The following CMTM4 variants were observed in gnomAD, a reference collection of about 807,000 sequenced individuals.
The protein encoded by CMTM4 is CKLF-like MARVEL transmembrane domain-containing protein 4.
Under a neutral mutation model 19.0 loss-of-function variants are expected in CMTM4, and 8 were observed. The observed-to-expected ratio is 0.42, with a 90% CI of 0.25 to 0.76. CMTM4 has a LOEUF of 0.76. Among genes scored for constraint, CMTM4 ranks in the 30% least tolerant of loss-of-function variants. The pLI, the probability that CMTM4 is intolerant of heterozygous loss-of-function variation, is 0.27. For synonymous variants in CMTM4, 106 were observed against 121.1 expected, an observed-to-expected ratio of 0.88 and a Z score of 0.82; for missense variants, 228 against 290.2, an observed-to-expected ratio of 0.79 and a Z score of 1.56.
chr16:66,659,959 C>A (rs769055625), intron 1 of CMTM4, among the ~76,000 whole-genome samples: 51 of 152,156 alleles, frequency 3.4e-4, no homozygotes, highest in Admixed American at 1.4e-3. Flanking sequence ...ACAAAAAACT[C>A]AAATCTCCAC....
intron 1 of CMTM4, among the ~76,000 whole-genome samples, chr16:66,646,419 A>G (rs1443016640): frequency 6.6e-6 from 1 of 152,164 alleles, no homozygotes; most frequent in Non-Finnish European, 1.5e-5. Flanking sequence ...CACATTGTAT[A>G]TAACTGCATG....
At position 66,631,368 on chromosome 16, in the gene CMTM4, C is replaced by T. The variant is rs1256579718; in HGVS notation, c.363+5037G>A. ...CCGGGAGGTGAGGGGCGCCTCTGCCCGGCCGCCCCTACTGGGAAGTGAGGA... is the reference window on the plus strand; with the variant it reads ...CCGGGAGGTGAGGGGCGCCTCTGCCTGGCCGCCCCTACTGGGAAGTGAGGA... On this transcript the variant is annotated intron_variant, in intron 2 of 3. Coordinates refer to ENST00000394106, the MANE Select transcript of CMTM4 (RefSeq NM_181521.3). 6.9e-3 allele frequency among the ~76,000 whole-genome samples: 1,041 copies of T among 151,844 alleles called. 3 individuals carry two copies. The highest frequency in any genetic ancestry group is 8.8e-3 in the Non-Finnish European group (595 of 67,830).
At chr16:66,609,928 C>CTGA (rs758508816), downstream of CMTM4, 3 of 1,614,168 alleles carry the variant, frequency 1.9e-6, no homozygotes, top group Non-Finnish European at 2.5e-6. This position sits in a 1 kb window ranked among gnomAD's most constrained non-coding sequence, Gnocchi z 4.4. Context: ...TGATTTCTAC[C>CTGA]TGATCTTTAA....
downstream of CMTM4, chr16:66,610,064 A>G: frequency 6.3e-7 from 1 of 1,597,088 alleles, no homozygotes; most frequent in Non-Finnish European, 8.5e-7. This position sits in a 1 kb window ranked among gnomAD's most constrained non-coding sequence, Gnocchi z 4.6. Context: ...TCCCTCGGGG[A>G]TGCCAGCTAG....
At chr16:66,609,420 C>A in the CMTM4 span, 5 of 1,607,212 alleles carry the variant, frequency 3.1e-6, no homozygotes, top group African/African-American at 2.7e-5. The surrounding 1 kb of genome is among the most constrained non-coding windows in gnomAD (Gnocchi z 4.4). Context: ...GGGCAGCATG[C>A]CCCTCTCTCC....
At chr16:66,691,908 A>C (rs1256213361) in intron 1 of CMTM4, among the ~76,000 whole-genome samples, 1 of 152,218 alleles carries the variant, frequency 6.6e-6, no homozygotes, top group Non-Finnish European at 1.5e-5. Context: ...CATTGTTAGC[A>C]CTATGACAGC....
intron 1 of CMTM4, among the ~76,000 whole-genome samples, chr16:66,691,043 G>GA (rs981635754): frequency 6.6e-6 from 1 of 152,174 alleles, no homozygotes; most frequent in Non-Finnish European, 1.5e-5. Context: ...CTTGAGCCCA[G>GA]AAGTTCGAGG....
At chr16:66,643,926 G>A (rs2016142691) in intron 1 of CMTM4, among the ~76,000 whole-genome samples, 1 of 152,068 alleles carries the variant, frequency 6.6e-6, no homozygotes, top group Non-Finnish European at 1.5e-5. Flanking sequence ...GCTAGTTTTT[G>A]TATTTTTAGT....
chr16:66,602,214 T>C, the CMTM4 span, among the ~76,000 whole-genome samples: 2 of 152,160 alleles, frequency 1.3e-5, no homozygotes, highest in Non-Finnish European at 2.9e-5. Context: ...CTGGCCAACA[T>C]GGCAAAACCC....
intron 2 of CMTM4, among the ~76,000 whole-genome samples, chr16:66,625,714 C>T (rs889867610): frequency 3.3e-5 from 5 of 152,208 alleles, no homozygotes; most frequent in African/African-American, 1.2e-4. Context: ...ACATATCTGC[C>T]TCCTCAAATC....
intron 1 of CMTM4, among the ~76,000 whole-genome samples, chr16:66,646,737 C>T (rs1450896851): frequency 2.0e-5 from 3 of 148,078 alleles, no homozygotes; most frequent in South Asian, 4.3e-4. Context: ...GACACAGTCT[C>T]GCTGTGTTAC....
At chr16:66,661,875 GT>G (rs1450078502) in intron 1 of CMTM4, among the ~76,000 whole-genome samples, 2 of 152,306 alleles carry the variant, frequency 1.3e-5, no homozygotes, top group African/African-American at 4.8e-5. Flanking sequence ...AGACACTGCA[GT>G]GAGCTGAGAT....
At chr16:66,668,824 A>T (rs1031321) in intron 1 of CMTM4, among the ~76,000 whole-genome samples, 6,494 of 136,584 alleles carry the variant, frequency 0.048, 260 homozygotes, top group East Asian at 0.15. Flanking sequence ...CAACAGCTTT[A>T]AAAAAAAGGA....
intron 2 of CMTM4, among the ~76,000 whole-genome samples, chr16:66,635,557 T>TG (rs1269231499): frequency 6.6e-6 from 1 of 152,070 alleles, no homozygotes; most frequent in African/African-American, 2.4e-5. Context: ...GTGGCTTCTG[T>TG]GTGGCTCCCA....
intron 1 of CMTM4, among the ~76,000 whole-genome samples, chr16:66,664,861 C>T (rs1419946533): frequency 6.6e-6 from 1 of 152,056 alleles, no homozygotes; most frequent in Non-Finnish European, 1.5e-5. Flanking sequence ...GACATGGTGG[C>T]TCACACCTGT....
At chr16:66,651,495 C>A (rs572928925) in intron 1 of CMTM4, among the ~76,000 whole-genome samples, 1 of 152,182 alleles carries the variant, frequency 6.6e-6, no homozygotes, top group Non-Finnish European at 1.5e-5. Context: ...GATCCTCACA[C>A]CCCGACTCAG....
chr16:66,645,500 C>G (rs1216605090), intron 1 of CMTM4, among the ~76,000 whole-genome samples: 2 of 151,888 alleles, frequency 1.3e-5, no homozygotes, highest in African/African-American at 4.8e-5. Context: ...CTGCTTGAAC[C>G]CGGGAGGCAG....
chr16:66,672,867 C>T (rs2016736044), intron 1 of CMTM4, among the ~76,000 whole-genome samples: 1 of 150,256 alleles, frequency 6.7e-6, no homozygotes, highest in South Asian at 2.1e-4. Flanking sequence ...CTCAAGTGAT[C>T]CTCCCACCTC....
intron 1 of CMTM4, among the ~76,000 whole-genome samples, chr16:66,677,159 C>T (rs1376258255): frequency 6.6e-6 from 1 of 152,074 alleles, no homozygotes; most frequent in Non-Finnish European, 1.5e-5. Flanking sequence ...CCACTTGGGA[C>T]GAGGAAGGTT....
Sources: allele counts gnomAD v4.1 joint callset (sites outside exome capture counted in the v4.1 genomes callset), GRCh38; gene constraint gnomAD v4.1.1; non-coding constraint Gnocchi (gnomAD v3.1); transcripts MANE v1.5; gene names NCBI Gene and HGNC (gene_info 2026-07-23, HGNC 2026-07-21).